RTF2: variants seen among roughly 807,000 people sequenced by gnomAD.
The protein encoded by RTF2 is replication termination factor 2, also known as UPF0549 protein C20orf43.
RTF2 carries 18 observed loss-of-function variants against 38.0 expected under a neutral mutation model. That is an observed-to-expected ratio of 0.47 (90% CI 0.33 to 0.70). The LOEUF is 0.70. Among genes scored for constraint, RTF2 ranks in the 30% least tolerant of loss-of-function variants. The pLI, the probability that RTF2 is intolerant of heterozygous loss-of-function variation, is 0.02. For missense variants in RTF2, 311 were observed against 379.6 expected, an observed-to-expected ratio of 0.82 and a Z score of 1.50; for synonymous variants, 126 against 137.1, an observed-to-expected ratio of 0.92 and a Z score of 0.57.
chr20:56,496,129 C>T (rs1262531669), intron 5 of RTF2, among the ~76,000 whole-genome samples: 1 of 152,208 alleles, frequency 6.6e-6, no homozygotes, highest in Non-Finnish European at 1.5e-5. Context: ...GAACATCTTT[C>T]AGCTAACTTC....
At chr20:56,488,025 G>A (rs527829338) in intron 5 of RTF2, among the ~76,000 whole-genome samples, 10 of 152,226 alleles carry the variant, frequency 6.6e-5, no homozygotes, top group African/African-American at 2.4e-4. Flanking sequence ...TTTTGCAGGG[G>A]GGCATAATTC....
intron 5 of RTF2, chr20:56,504,156 T>G (rs1984112467): frequency 6.6e-6 from 1 of 152,256 alleles, no homozygotes; most frequent in South Asian, 2.1e-4. Context: ...GGCGCCTGCT[T>G]CAGTCACTTG....
At chr20:56,515,424 T>G (rs1308179826) in intron 6 of RTF2, among the ~76,000 whole-genome samples, 2 of 151,972 alleles carry the variant, frequency 1.3e-5, no homozygotes, top group African/African-American at 4.8e-5. Flanking sequence ...ATACAAAAAT[T>G]AGCTGGATGT....
rs547362770 is a variant in RTF2, at chr20:56,492,789, A to G, written c.477+8600A>G. On this transcript the variant is annotated intron_variant, in intron 5 of 8. Transcript: ENST00000357348. ...AGGCCTCAGCGTATGTGTGAGAGGG[A>G]AGGAGGTCTGTTTATTTCAGAAACG... Among the ~76,000 whole-genome samples, 9 of 152,090 alleles carry G rather than the reference A, an allele frequency of 5.9e-5. No individual in the cohort carries two copies. The South Asian group carries it at 1.0e-3, about 18-fold the overall frequency.
At chr20:56,492,275 G>A (rs1024805168) in intron 5 of RTF2, among the ~76,000 whole-genome samples, 2 of 151,268 alleles carry the variant, frequency 1.3e-5, no homozygotes, top group African/African-American at 4.9e-5. Flanking sequence ...ACGGGATTTC[G>A]CCATGTTGGT....
chr20:56,511,926 G>C (rs534863549), intron 5 of RTF2, among the ~76,000 whole-genome samples: 2 of 152,102 alleles, frequency 1.3e-5, no homozygotes, highest in African/African-American at 4.8e-5. Flanking sequence ...CCTGCCTCTC[G>C]GGTTCAAGCG....
At chr20:56,481,784 G>T (rs1982539641) in intron 4 of RTF2, among the ~76,000 whole-genome samples, 1 of 152,144 alleles carries the variant, frequency 6.6e-6, no homozygotes, top group Non-Finnish European at 1.5e-5. Context: ...ACCCCAAAAG[G>T]AAAATCCTCT....
At chr20:56,471,364 C>T (rs567430235) in intron 1 of RTF2, among the ~76,000 whole-genome samples, 2 of 152,128 alleles carry the variant, frequency 1.3e-5, no homozygotes, top group South Asian at 2.1e-4. Context: ...GTCAGGAGAT[C>T]GAGACCATCC....
chr20:56,477,362 A>G (rs542665488), intron 4 of RTF2, among the ~76,000 whole-genome samples: 97 of 152,076 alleles, frequency 6.4e-4, no homozygotes, highest in African/African-American at 2.3e-3. Context: ...AGGTGGGGAA[A>G]CAAAACCTGA....
chr20:56,509,253 G>C (rs1984482468), intron 5 of RTF2, among the ~76,000 whole-genome samples: 1 of 152,096 alleles, frequency 6.6e-6, no homozygotes, highest in African/African-American at 2.4e-5. Context: ...TAACATCTCT[G>C]GTCATTTGGG....
intron 5 of RTF2, among the ~76,000 whole-genome samples, chr20:56,485,396 C>G (rs750991155): frequency 6.6e-6 from 1 of 152,120 alleles, no homozygotes; most frequent in African/African-American, 2.4e-5. Flanking sequence ...AAGAGTTAGG[C>G]AGGGGTCATC....
rs1321240535 is a variant in RTF2 at position 56,496,529 on chromosome 20, C to T, written c.477+12340C>T. 7 of 1,230,212 alleles carry T rather than the reference C, an allele frequency of 5.7e-6. No individual in the cohort carries two copies. In the Admixed American group the frequency reaches 1.0e-4, roughly 18 times the overall value. The allele number at this position is 1,230,212 out of a possible 1,614,324, so 76.2% of individuals were successfully genotyped here. On this transcript the variant is annotated intron_variant, in intron 5 of 8. Coordinates refer to ENST00000357348, the MANE Select transcript of RTF2 (RefSeq NM_016407.5). ...CGCCACTGCACTCCAGCCTCGGTGA[C>T]CGTGTGAGACTCCGTCTCAAAATCA...
intron 4 of RTF2, among the ~76,000 whole-genome samples, chr20:56,477,757 A>G (rs1982330834): frequency 6.6e-6 from 1 of 152,130 alleles, no homozygotes; most frequent in Non-Finnish European, 1.5e-5. Context: ...GCCTTTAACG[A>G]TCCTCCCAAA....
At chr20:56,475,445 T>C (rs1982191082) in intron 3 of RTF2, among the ~76,000 whole-genome samples, 1 of 152,194 alleles carries the variant, frequency 6.6e-6, no homozygotes, top group South Asian at 2.1e-4. Context: ...TTTCGTATTA[T>C]TAGGCTTTTT....
At chr20:56,486,578 G>T (rs779104928) in intron 5 of RTF2, among the ~76,000 whole-genome samples, 2 of 152,150 alleles carry the variant, frequency 1.3e-5, no homozygotes, top group African/African-American at 4.8e-5. Flanking sequence ...GAACCTGGGA[G>T]CTGGAGGTTA....
At chr20:56,489,120 A>G (rs1223256578) in intron 5 of RTF2, among the ~76,000 whole-genome samples, 3 of 151,602 alleles carry the variant, frequency 2.0e-5, no homozygotes, top group East Asian at 3.9e-4. Flanking sequence ...CAGTGGTGCA[A>G]TCTTGGCTCA....
chr20:56,472,367 C>G (rs966958485), intron 1 of RTF2: 1 of 1,546,884 alleles, frequency 6.5e-7, no homozygotes, highest in African/African-American at 1.4e-5. Flanking sequence ...GCAGTCTACA[C>G]AGTGAAGGAA....
At chr20:56,491,322 TA>T (rs2146336475) in intron 5 of RTF2, among the ~76,000 whole-genome samples, 1 of 152,352 alleles carries the variant, frequency 6.6e-6, no homozygotes, top group Admixed American at 6.5e-5. Context: ...TTTGGCCTTC[TA>T]AGTGCATTGC....
At chr20:56,502,573 G>A (rs897499490) in intron 5 of RTF2, among the ~76,000 whole-genome samples, 10 of 152,006 alleles carry the variant, frequency 6.6e-5, no homozygotes, top group Non-Finnish European at 1.0e-4. Flanking sequence ...ATACTCTTTC[G>A]TTGCATTTTT....
Sources: allele counts gnomAD v4.1 joint callset (sites outside exome capture counted in the v4.1 genomes callset), GRCh38; gene constraint gnomAD v4.1.1; transcripts MANE v1.5; gene names NCBI Gene and HGNC (gene_info 2026-07-23, HGNC 2026-07-21).